Variants in CDON observed in about 807,000 individuals in gnomAD.
The protein encoded by CDON is cell adhesion associated, oncogene regulated, also known as cell adhesion molecule-related/down-regulated by oncogenes.
A neutral mutation model predicts 120.9 loss-of-function variants in CDON; 73 were observed. The ratio of observed to expected loss-of-function variants is 0.60; its 90% CI spans 0.50 to 0.73. The LOEUF (loss-of-function observed/expected upper bound fraction) is 0.73, where lower values mean the gene tolerates loss of function less well. CDON is among the 30% of genes least tolerant of loss of function. The pLI, the probability that CDON is intolerant of heterozygous loss-of-function variation, is 0.00. For missense variants in CDON, 1,470 were observed against 1,587.3 expected (o/e 0.93, Z 1.26); for synonymous variants, 566 against 573.5 (o/e 0.99, Z 0.19).
At position 126,021,387 on chromosome 11, in the gene CDON, T is replaced by C. The variant is rs772476900; in HGVS notation, c.210A>G (p.Gly70=). Residue 70 remains glycine (G), a synonymous_variant, in exon 3 of 20, where the codon GGA becomes GGG. Coordinates refer to ENST00000531738, the MANE Select transcript of CDON (RefSeq NM_001378964.1). ...SWLHNGKTLD[G]NLEHVKIHQG... ...GATGAATCTTAACATGTTCCAGGTT[T>C]CCATCCAATGTTTTTCCGTTATGCA... 1 of 1,614,138 alleles carries C rather than the reference T, an allele frequency of 6.2e-7. No homozygotes were observed. Among genetic ancestry groups the C allele is most frequent in the Non-Finnish European group, 8.5e-7 (1 of 1,180,016 alleles).
In CDON at chr11:126,047,573, C is replaced by T. The variant is rs188509943; in HGVS notation, c.-62+15006G>A. ...CAACAGAACAGCAACAGCAACTGCT[C>T]GCATGCAGTAAGTACCTAGCAAGTG... On this transcript the variant is annotated intron_variant, in intron 1 of 19. Transcript: ENST00000531738. Among the ~76,000 whole-genome samples the T allele has an allele frequency of 3.2e-4, 49 of 152,308 alleles. No individual in the cohort carries two copies. In the East Asian group the frequency reaches 5.4e-3, roughly 17 times the overall value.
chr11:125,962,181 A>G (rs1945664899), intron 18 of CDON, among the ~76,000 whole-genome samples, 183 bp from the exon 19 acceptor site: 1 of 152,258 alleles, frequency 6.6e-6, no homozygotes. Context: ...TGATAGTGAA[A>G]GTGCCATACA....
At chr11:125,974,346 T>G in intron 18 of CDON, among the ~76,000 whole-genome samples, 1 of 28,534 alleles carries the variant, frequency 3.5e-5, no homozygotes. Context: ...CATTTGTAGG[T>G]AGGTAGGTAG....
rs71048763 is a variant in CDON at position 126,040,814 on chromosome 11, C to CAAA, written c.-61-17280_-61-17278dup. Among the ~76,000 whole-genome samples the CAAA allele has an allele frequency of 4.6e-3, 209 of 45,012 alleles. 13 individuals are homozygous for CAAA. The highest frequency in any genetic ancestry group is 0.012 in the African/African-American group (144 of 12,210). The allele number at this position is 45,012 out of a possible 152,430, so 29.5% of individuals were successfully genotyped here. A position where few individuals can be genotyped will look rare whatever the true frequency, so the allele number is the denominator to read the frequency against. The stretch of plus-strand genomic sequence containing the variant: ...CGGGCAACAGAGAAAGACTCCGTCT[C>CAAA]AAAAAAAAAAAAAAAAAAAAAAAAA... On this transcript the variant is annotated intron_variant, in intron 1 of 19. Transcript: ENST00000531738.
rs778337122 is a variant in CDON, at chr11:126,018,357, G to C, written c.613C>G (p.Pro205Ala). The change falls in exon 5 of 20, where the codon CCT becomes GCT. Residue 205 changes from proline (P) to alanine (A), a missense_variant. Physicochemically the swap from Pro to Ala is conservative, Grantham distance 27 (BLOSUM62 -1). Coordinates refer to ENST00000531738, the MANE Select transcript of CDON (RefSeq NM_001378964.1). ...NPVTHQLKVE[P>A]IGRKLLVSRP... ...CTCACAAGGAGCTTTCGGCCAATAG[G>C]TTCAACTTTTAATTGATGTGTGACA... 6.2e-7 allele frequency: 1 copy of C among 1,613,984 alleles called. No individual in the cohort carries two copies. The highest frequency in any genetic ancestry group is 8.5e-7 in the Non-Finnish European group (1 of 1,179,930).
At chr11:126,008,117 G>A (rs895445196) in intron 8 of CDON, among the ~76,000 whole-genome samples, 28 of 151,946 alleles carry the variant, frequency 1.8e-4, no homozygotes, top group African/African-American at 7.3e-5. Context: ...TAGGAAACCC[G>A]CACCAACTCT....
chr11:126,021,170 T>A, intron 3 of CDON, 78 bp downstream of exon 3: 1 of 1,475,808 alleles, frequency 6.8e-7, no homozygotes, highest in Non-Finnish European at 9.3e-7. Context: ...GCCCATGGTC[T>A]TTCCCCTCTT....
intron 1 of CDON, among the ~76,000 whole-genome samples, chr11:126,046,841 C>G (rs1380869900): frequency 6.6e-6 from 1 of 152,200 alleles, no homozygotes; most frequent in Non-Finnish European, 1.5e-5. Context: ...CTATTTCTTT[C>G]TGTGAGGCAC....
chr11:126,004,263 G>C lies in CDON; in HGVS notation c.1852-187C>G, dbSNP rs2276056. 0.27 allele frequency: 178,265 copies of C among 655,140 alleles called. 24,562 individuals are homozygous for C. The highest frequency in any genetic ancestry group is 0.32 in the South Asian group (17,489 of 54,910). 40.6% of individuals were successfully genotyped at this position (655,140 alleles called of 1,614,324 possible). ...GAAATAGAAGATCTGCTGCAAGAAC[G>C]CTGCAATTCTCACTGTAGAAAGACT... On this transcript the variant is annotated intron_variant, in intron 9 of 19. Transcript: ENST00000531738.
intron 5 of CDON, 32 bp from the exon 6 acceptor site, chr11:126,017,407 G>A: frequency 6.2e-7 from 1 of 1,602,336 alleles, no homozygotes; most frequent in Non-Finnish European, 8.5e-7. Context: ...GAGATTATTA[G>A]TAAGTCTTCG....
At chr11:126,055,792 G>GATA (rs1948668429) in intron 1 of CDON, among the ~76,000 whole-genome samples, 2 of 152,112 alleles carry the variant, frequency 1.3e-5, no homozygotes, top group Non-Finnish European at 2.9e-5. Context: ...TATCATTTCT[G>GATA]ATACCAATAC....
intron 17 of CDON, among the ~76,000 whole-genome samples, chr11:125,980,294 G>A (rs184821376): frequency 6.0e-4 from 91 of 152,288 alleles, no homozygotes; most frequent in Middle Eastern, 3.4e-3. Context: ...AAATAAGGTT[G>A]TCTTAAGGGT....
chr11:125,973,018 C>CTTTTTTTTTTTTTTTATTT (rs1946047539), intron 18 of CDON, among the ~76,000 whole-genome samples: 1 of 87,070 alleles, frequency 1.1e-5, no homozygotes, highest in Non-Finnish European at 2.2e-5. Flanking sequence ...ATTACTTGGT[C>CTTTTTTTTTTTTTTTATTT]TTTTTTTTTT....
intron 1 of CDON, among the ~76,000 whole-genome samples, chr11:126,032,260 A>G (rs1947963594): frequency 6.8e-6 from 1 of 147,234 alleles, no homozygotes; most frequent in East Asian, 1.9e-4. Flanking sequence ...AGAGGAAACA[A>G]CTGACTAGGT....
In CDON at chr11:126,018,409, T is replaced by C; in HGVS notation, c.561A>G (p.Gly187=). 3 of 1,613,190 alleles carry C rather than the reference T, an allele frequency of 1.9e-6. No homozygotes were observed. The highest frequency in any genetic ancestry group is 2.5e-6 in the Non-Finnish European group (3 of 1,179,148). Residue 187 remains glycine, a synonymous_variant, in exon 5 of 20, where the codon GGA becomes GGG. Transcript: ENST00000531738. ...GATTATAAGCTGCACATTTGTATGA[T>C]CCCTTGTCCTCTAAGGATACATTCA... The part of the protein sequence containing the change: ...QILNVSLEDK[G]SYKCAAYNPV...
intron 9 of CDON, 168 bp from the exon 10 acceptor site, chr11:126,004,244 G>A (rs1012031341): frequency 3.2e-5 from 23 of 716,370 alleles, no homozygotes; most frequent in Middle Eastern, 3.8e-4. Context: ...TTAAGAAATA[G>A]AAGATCTGCT....
At chr11:125,991,415 G>A (rs1173913309) in intron 14 of CDON, among the ~76,000 whole-genome samples, 4 of 152,048 alleles carry the variant, frequency 2.6e-5, no homozygotes, top group African/African-American at 9.7e-5. Context: ...CCAAAACACA[G>A]ACTTAAAGAT....
At chr11:126,010,237 TAG>T (rs778130573) in intron 8 of CDON, 102 bp downstream of exon 8, 9 of 837,926 alleles carry the variant, frequency 1.1e-5, no homozygotes, top group African/African-American at 5.1e-5. Flanking sequence ...GGAAAAAATA[TAG>T]AGAGATTGCT....
chr11:125,981,430 G>T, intron 16 of CDON, 101 bp from the exon 17 acceptor site: 1 of 1,179,632 alleles, frequency 8.5e-7, no homozygotes, highest in Non-Finnish European at 1.2e-6. Context: ...ACGCACACAC[G>T]CACACACGCA....
Sources: gnomAD v4.1 joint callset for allele counts (sites outside exome capture counted in the v4.1 genomes callset) on GRCh38, gnomAD v4.1.1 for gene constraint, MANE v1.5 for transcripts, NCBI Gene and HGNC (gene_info 2026-07-23, HGNC 2026-07-21) for gene names.